Variants in NELL2 observed in about 807,000 individuals in gnomAD.
NELL2 encodes protein kinase C-binding protein NELL2.
A neutral mutation model predicts 109.6 loss-of-function variants in NELL2; 41 were observed. The observed-to-expected ratio is 0.37, with a 90% CI of 0.29 to 0.49. The LOEUF (loss-of-function observed/expected upper bound fraction) is 0.49, where lower values mean the gene tolerates loss of function less well. NELL2 is among the 20% of genes least tolerant of loss of function. The pLI, the probability that NELL2 is intolerant of heterozygous loss-of-function variation, is 0.98. For missense variants in NELL2, 900 were observed against 1,008.3 expected (o/e 0.89, Z 1.45); for synonymous variants, 355 against 344.7 (o/e 1.03, Z -0.33).
chr12:44,713,213 C>CAGAG (rs1338457422), intron 10 of NELL2, among the ~76,000 whole-genome samples: 1 of 119,222 alleles, frequency 8.4e-6, no homozygotes, highest in South Asian at 2.5e-4. Flanking sequence ...CACACACACA[C>CAGAG]ACAGAGAGAG....
chr12:44,800,351 T>C (rs115344778), intron 3 of NELL2, among the ~76,000 whole-genome samples: 2,203 of 152,182 alleles, frequency 0.014, 53 homozygotes, highest in African/African-American at 0.05. Context: ...TATACATAAA[T>C]TAAATACTAT....
chr12:44,610,740 G>A (rs2077888615), intron 14 of NELL2, 108 bp downstream of exon 14: 33 of 1,466,046 alleles, frequency 2.3e-5, no homozygotes, highest in Non-Finnish European at 3.0e-5. Context: ...TTTGATGTCT[G>A]TAGGAAGTAC....
chr12:44,518,467 G>C (rs937336464), intron 19 of NELL2, among the ~76,000 whole-genome samples: 3 of 151,958 alleles, frequency 2.0e-5, no homozygotes, highest in South Asian at 2.1e-4. Context: ...GGATGGTCTC[G>C]ATCTCCTGAC....
chr12:44,876,711 A>C, upstream of NELL2: 1 of 1,548,458 alleles, frequency 6.5e-7, no homozygotes. Flanking sequence ...CTTTAAGCAA[A>C]GGAGGGAAGC....
At chr12:44,529,785 T>G (rs1326407662) in intron 16 of NELL2, among the ~76,000 whole-genome samples, 2 of 152,272 alleles carry the variant, frequency 1.3e-5, no homozygotes, top group East Asian at 3.9e-4. Context: ...AAGCATTGGC[T>G]GGAGCAGTGA....
chr12:44,557,666 C>T (rs1394693704), intron 15 of NELL2, among the ~76,000 whole-genome samples: 2 of 152,084 alleles, frequency 1.3e-5, no homozygotes, highest in African/African-American at 2.4e-5. Flanking sequence ...GTTGAATTGG[C>T]TATTGAAAAC....
At chr12:44,677,705 T>TA (rs913591378) in intron 12 of NELL2, among the ~76,000 whole-genome samples, 11 of 151,838 alleles carry the variant, frequency 7.2e-5, no homozygotes, top group South Asian at 2.1e-4. Context: ...TGAGGCAGAT[T>TA]AAAAAAAATA....
In NELL2 at chr12:44,791,224, A is replaced by ATATATC. The variant is rs1439301860; in HGVS notation, c.336-11203_336-11202insGATATA. On this transcript the variant is annotated intron_variant, in intron 3 of 19. Coordinates refer to ENST00000429094, the MANE Select transcript of NELL2 (RefSeq NM_001145108.2). Reference sequence around the variant, plus strand: ...TATATATATATATATATATATATATATATGATGGAATACTACTCAGCCATA... The same window carrying ATATATC: ...TATATATATATATATATATATATATATATATCTATGATGGAATACTACTCAGCCATA... 6.2e-3 allele frequency among the ~76,000 whole-genome samples: 586 copies of ATATATC among 95,100 alleles called. 20 individuals are homozygous for ATATATC. The highest frequency in any genetic ancestry group is 0.011 in the Non-Finnish European group (500 of 45,690). The allele number at this position is 95,100 out of a possible 152,430, so 62.4% of individuals were successfully genotyped here.
chr12:44,777,602 TTTAG>T (rs1941805338), intron 5 of NELL2, among the ~76,000 whole-genome samples: 1 of 152,210 alleles, frequency 6.6e-6, no homozygotes, highest in Admixed American at 6.5e-5. Context: ...AGAAGTTATT[TTTAG>T]TTAGCCACTG....
chr12:44,744,394 GA>G (rs2136508208), intron 9 of NELL2, among the ~76,000 whole-genome samples: 1 of 152,216 alleles, frequency 6.6e-6, no homozygotes, highest in South Asian at 2.1e-4. Context: ...AAAAGAACTA[GA>G]AAAGCAAGAG....
intron 13 of NELL2, among the ~76,000 whole-genome samples, chr12:44,653,984 T>A (rs1315180599): frequency 6.6e-6 from 1 of 152,200 alleles, no homozygotes; most frequent in African/African-American, 2.4e-5. Flanking sequence ...AAATGTCTTC[T>A]CTCACTTCTT....
chr12:44,577,530 A>T (rs1235318042), intron 15 of NELL2, among the ~76,000 whole-genome samples: 1 of 127,230 alleles, frequency 7.9e-6, no homozygotes, highest in Non-Finnish European at 1.5e-5. Flanking sequence ...GCTGGAGTGC[A>T]GTGGCACGAT....
chr12:44,569,226 T>C (rs1428596290), intron 15 of NELL2, among the ~76,000 whole-genome samples: 2 of 152,192 alleles, frequency 1.3e-5, no homozygotes, highest in South Asian at 2.1e-4. Context: ...TTCTTTTTTA[T>C]GGCGGCATAG....
chr12:44,571,392 G>A (rs1041065334), intron 15 of NELL2, among the ~76,000 whole-genome samples: 1 of 152,152 alleles, frequency 6.6e-6, no homozygotes, highest in African/African-American at 2.4e-5. Context: ...CAGCTCTCAG[G>A]TCTGCAATGA....
At chr12:44,829,299 C>T (rs940190208) in intron 2 of NELL2, among the ~76,000 whole-genome samples, 4 of 152,054 alleles carry the variant, frequency 2.6e-5, no homozygotes, top group East Asian at 1.9e-4. Flanking sequence ...CTGTTGATCC[C>T]GACTCAATAC....
intron 15 of NELL2, among the ~76,000 whole-genome samples, chr12:44,593,745 C>T (rs899934489): frequency 3.3e-5 from 5 of 152,174 alleles, no homozygotes; most frequent in African/African-American, 1.2e-4. Context: ...TTTCTCCACA[C>T]ACTCTCCTGC....
At chr12:44,903,366 G>A (rs192630394) in intron 1 of NELL2, among the ~76,000 whole-genome samples, 5 of 152,072 alleles carry the variant, frequency 3.3e-5, no homozygotes, top group East Asian at 3.9e-4. Flanking sequence ...TTAGAATGGC[G>A]TCATTAAAAA....
At chr12:44,566,244 A>G (rs1194992896) in intron 15 of NELL2, among the ~76,000 whole-genome samples, 1 of 152,162 alleles carries the variant, frequency 6.6e-6, no homozygotes, top group Non-Finnish European at 1.5e-5. Context: ...AAGATTTTTT[A>G]GTGTACTGAA....
intron 1 of NELL2, among the ~76,000 whole-genome samples, chr12:44,895,209 G>A (rs918963885): frequency 6.6e-6 from 1 of 152,136 alleles, no homozygotes; most frequent in Admixed American, 6.5e-5. Flanking sequence ...TTTTGCTGTG[G>A]TGTCAGAAGA....
Sources: gnomAD v4.1 joint callset for allele counts (sites outside exome capture counted in the v4.1 genomes callset) on GRCh38, gnomAD v4.1.1 for gene constraint, MANE v1.5 for transcripts, NCBI Gene and HGNC (gene_info 2026-07-23, HGNC 2026-07-21) for gene names.